SLCO1A2: variants seen among roughly 807,000 people sequenced by gnomAD.
The protein encoded by SLCO1A2 is solute carrier organic anion transporter family member 1A2.
In SLCO1A2, 67 loss-of-function variants were observed where a neutral mutation model predicts 69.0. The ratio of observed to expected loss-of-function variants is 0.97; its 90% confidence interval spans 0.80 to 1.19. SLCO1A2 has a LOEUF of 1.19. Among genes scored for constraint, SLCO1A2 ranks in the 50% most tolerant of loss-of-function variants. The probability of loss-of-function intolerance (pLI) is 0.00; values close to 1 mark genes in which losing one functional copy is unlikely to be tolerated. For synonymous variants in SLCO1A2, 260 were observed against 265.9 expected (o/e 0.98, Z 0.22); for missense variants, 787 against 793.7 (o/e 0.99, Z 0.10).
At chr12:21,287,360 A>T (rs1467081620) in intron 12 of SLCO1A2, among the ~76,000 whole-genome samples, 14 of 126,072 alleles carry the variant, frequency 1.1e-4, no homozygotes, top group African/African-American at 1.6e-4. Flanking sequence ...GTCAGGAAAC[A>T]ACAGGTGCTG....
At chr12:21,305,106 T>G (rs1460982718) in intron 5 of SLCO1A2, among the ~76,000 whole-genome samples, 1 of 152,194 alleles carries the variant, frequency 6.6e-6, no homozygotes, top group Non-Finnish European at 1.5e-5. Flanking sequence ...AAATATTTAA[T>G]TGGGTAATCA....
At chr12:21,413,034 A>G (rs958654759) in intron 1 of SLCO1A2, among the ~76,000 whole-genome samples, 3 of 152,140 alleles carry the variant, frequency 2.0e-5, no homozygotes, top group African/African-American at 7.2e-5. Flanking sequence ...CTATCCACCA[A>G]AGTATACTCC....
upstream of SLCO1A2, chr12:21,334,965 C>A (rs1051134272): frequency 9.5e-6 from 2 of 210,970 alleles, no homozygotes; most frequent in South Asian, 1.4e-4. Flanking sequence ...TTGTTATGAT[C>A]TTGCAAAATA....
intron 2 of SLCO1A2, among the ~76,000 whole-genome samples, chr12:21,323,293 A>G (rs1951867314): frequency 1.3e-5 from 2 of 152,340 alleles, no homozygotes; most frequent in South Asian, 4.1e-4. Context: ...ACCGTGGCTC[A>G]CATCTATATT....
chr12:21,389,575 T>A (rs781047966), intron 1 of SLCO1A2, among the ~76,000 whole-genome samples: 2 of 152,130 alleles, frequency 1.3e-5, no homozygotes, highest in African/African-American at 2.4e-5. Context: ...TGTATCCATA[T>A]GAAGAACTTA....
intron 2 of SLCO1A2, among the ~76,000 whole-genome samples, chr12:21,362,445 A>T (rs1315794332): frequency 2.0e-5 from 3 of 152,206 alleles, no homozygotes; most frequent in Non-Finnish European, 2.9e-5. Context: ...CTGCAAAAAC[A>T]TGCCAAATTG....
At chr12:21,279,186 AAAGTG>A (rs1944382886) in intron 12 of SLCO1A2, among the ~76,000 whole-genome samples, 1 of 152,150 alleles carries the variant, frequency 6.6e-6, no homozygotes, top group Non-Finnish European at 1.5e-5. Context: ...AGAATAAAAA[AAAGTG>A]AAGTGCACCT....
chr12:21,342,162 T>A (rs773178198), intron 2 of SLCO1A2, among the ~76,000 whole-genome samples: 12 of 152,094 alleles, frequency 7.9e-5, no homozygotes, highest in Non-Finnish European at 7.4e-5. Flanking sequence ...TATAACCTAA[T>A]GAGGAGCATA....
chr12:21,348,622 G>T (rs1414200533), intron 2 of SLCO1A2, among the ~76,000 whole-genome samples: 2 of 151,782 alleles, frequency 1.3e-5, no homozygotes, highest in Non-Finnish European at 2.9e-5. Context: ...TCTTCCCTTG[G>T]CTTCTATAAC....
intron 1 of SLCO1A2, among the ~76,000 whole-genome samples, chr12:21,411,934 T>A (rs546721176): frequency 1.3e-5 from 2 of 152,286 alleles, no homozygotes; most frequent in South Asian, 4.1e-4. Context: ...CCCAAAGTGC[T>A]GGGACTGTAG....
At position 21,346,517 on chromosome 12, in the gene SLCO1A2, T is replaced by C. The variant is rs149695997; in HGVS notation, c.-62-11808A>G. ...TGTGACTTTATTTTTAGAAGATATG[T>C]TAGCAAAAAAAAAAAACATATGTGG... is the stretch of plus-strand genomic sequence containing the variant. On this transcript the variant is annotated intron_variant, in intron 2 of 15. Transcript: ENST00000307378. Among the ~76,000 whole-genome samples, 367 of 151,930 alleles carry C rather than the reference T, an allele frequency of 2.4e-3. 3 individuals are homozygous for C. Among genetic ancestry groups the C allele is most frequent in the African/African-American group, 8.5e-3 (354 of 41,482 alleles).
intron 9 of SLCO1A2, among the ~76,000 whole-genome samples, chr12:21,296,894 C>T (rs1947793590): frequency 6.6e-6 from 1 of 152,036 alleles, no homozygotes; most frequent in African/African-American, 2.4e-5. Context: ...TGGAAAGATC[C>T]CAGGAAAAAC....
chr12:21,320,807 C>T (rs916995276), intron 2 of SLCO1A2, among the ~76,000 whole-genome samples: 1 of 152,166 alleles, frequency 6.6e-6, no homozygotes, highest in African/African-American at 2.4e-5. Context: ...GCTTTTCTCT[C>T]TATTTTCAAC....
chr12:21,323,784 A>C (rs1400512430), intron 2 of SLCO1A2, among the ~76,000 whole-genome samples: 2 of 152,058 alleles, frequency 1.3e-5, no homozygotes, highest in African/African-American at 2.4e-5. Context: ...AGGGCAAAAA[A>C]CTTTGTTTTA....
chr12:21,417,684 C>T (rs1388101173), intron 1 of SLCO1A2, among the ~76,000 whole-genome samples: 1 of 151,906 alleles, frequency 6.6e-6, no homozygotes. Context: ...CTATATGGAA[C>T]TAATAGACTC....
At chr12:21,321,316 A>T (rs1208064859) in intron 2 of SLCO1A2, among the ~76,000 whole-genome samples, 1 of 152,104 alleles carries the variant, frequency 6.6e-6, no homozygotes, top group Non-Finnish European at 1.5e-5. Context: ...ATGCTCATCC[A>T]TGCTTTTAAC....
upstream of SLCO1A2, among the ~76,000 whole-genome samples, chr12:21,339,595 A>G (rs1440542910): frequency 1.3e-5 from 2 of 151,960 alleles, no homozygotes; most frequent in East Asian, 1.9e-4. Context: ...ATGGAAAACT[A>G]GTTATAATGA....
chr12:21,282,640 A>G (rs558305397), intron 12 of SLCO1A2, among the ~76,000 whole-genome samples: 7 of 152,232 alleles, frequency 4.6e-5, no homozygotes, highest in Non-Finnish European at 8.8e-5. Flanking sequence ...TGAAATTAAG[A>G]AGTCAAATTA....
intron 2 of SLCO1A2, chr12:21,373,136 G>C: frequency 1.7e-6 from 1 of 585,970 alleles, no homozygotes; most frequent in African/African-American, 1.9e-5. Flanking sequence ...AGATTGCTTA[G>C]AGAAGGAAAT....
Sources: allele counts gnomAD v4.1 joint callset (sites outside exome capture counted in the v4.1 genomes callset), GRCh38; gene constraint gnomAD v4.1.1; transcripts MANE v1.5; gene names NCBI Gene and HGNC (gene_info 2026-07-23, HGNC 2026-07-21).